The following BAZ1A variants were observed in gnomAD, a reference collection of about 807,000 sequenced individuals.
BAZ1A encodes bromodomain adjacent to zinc finger domain 1A.
BAZ1A carries 50 observed loss-of-function variants against 185.2 expected under a neutral mutation model. The ratio of observed to expected loss-of-function variants is 0.27; its 90% confidence interval spans 0.22 to 0.34. The LOEUF (loss-of-function observed/expected upper bound fraction) is 0.34. Ranked by LOEUF, BAZ1A falls within the 10% of genes least tolerant of loss-of-function variation. The pLI is 1.00. For missense variants in BAZ1A, 1,356 were observed against 1,839.9 expected (o/e 0.74, Z 4.81); for synonymous variants, 571 against 615.6 (o/e 0.93, Z 1.07).
At chr14:34,781,862 T>C (rs1326120351) in intron 16 of BAZ1A, among the ~76,000 whole-genome samples, 1 of 152,226 alleles carries the variant, frequency 6.6e-6, no homozygotes, top group Non-Finnish European at 1.5e-5. Flanking sequence ...TAGAACTCCA[T>C]TCCTTTTTAT....
At chr14:34,794,141 A>C (rs563075285) in intron 11 of BAZ1A, among the ~76,000 whole-genome samples, 12 of 152,250 alleles carry the variant, frequency 7.9e-5, no homozygotes, top group African/African-American at 2.6e-4. Flanking sequence ...AGAAAAAAAA[A>C]AATGAGTGGC....
intron 17 of BAZ1A, among the ~76,000 whole-genome samples, chr14:34,779,627 G>A (rs934432556): frequency 2.0e-5 from 3 of 151,960 alleles, no homozygotes; most frequent in Non-Finnish European, 2.9e-5. Flanking sequence ...CATTAAATAA[G>A]GTCATTAAAT....
At position 34,826,284 on chromosome 14, in the gene BAZ1A, AATTT is replaced by A. The variant is rs547271815; in HGVS notation, c.393-132_393-129del. The A allele has an allele frequency of 6.6e-4, 558 of 850,862 alleles. 3 individuals carry two copies. The African/African-American group carries it at 9.3e-3, about 14-fold the overall frequency. 52.7% of individuals were successfully genotyped at this position (850,862 alleles called of 1,614,324 possible). A position where few individuals can be genotyped will look rare whatever the true frequency, so the allele number is the denominator to read the frequency against. ...GAGGCTATAGCTGATTGATTTAAAC[AATTT>A]AATTAAAAAGAAAATCTGTAACATC... On this transcript the variant is annotated intron_variant, in intron 3 of 26. Transcript: ENST00000360310.
chr14:34,761,509 C>T (rs1566545016), intron 24 of BAZ1A, among the ~76,000 whole-genome samples: 1 of 152,138 alleles, frequency 6.6e-6, no homozygotes, highest in Non-Finnish European at 1.5e-5. Flanking sequence ...GGCCAAATAT[C>T]TCCATTAAAA....
chr14:34,844,084 T>C (rs527699093), intron 3 of BAZ1A, among the ~76,000 whole-genome samples: 1 of 150,778 alleles, frequency 6.6e-6, no homozygotes, highest in South Asian at 2.1e-4. Context: ...CGGGCGCCTG[T>C]AGTCCCAGCT....
At chr14:34,828,981 T>G (rs1043589654) in intron 3 of BAZ1A, among the ~76,000 whole-genome samples, 1 of 152,166 alleles carries the variant, frequency 6.6e-6, no homozygotes, top group Non-Finnish European at 1.5e-5. Context: ...ATTTTGCTTC[T>G]TGTAAAGACC....
intron 25 of BAZ1A, among the ~76,000 whole-genome samples, chr14:34,757,192 C>T (rs776006410): frequency 1.3e-5 from 2 of 151,860 alleles, no homozygotes; most frequent in Non-Finnish European, 2.9e-5. Context: ...TGGTGAAACC[C>T]TGTCTCTACT....
chr14:34,843,572 G>A (rs956395503), intron 3 of BAZ1A, among the ~76,000 whole-genome samples: 1 of 152,084 alleles, frequency 6.6e-6, no homozygotes, highest in African/African-American at 2.4e-5. Context: ...GAACATTGCA[G>A]CCAACCACAG....
intron 3 of BAZ1A, among the ~76,000 whole-genome samples, chr14:34,844,577 G>C (rs903995210): frequency 7.9e-5 from 12 of 151,192 alleles, no homozygotes; most frequent in Non-Finnish European, 5.9e-5. Flanking sequence ...AGGAGTTTGA[G>C]ACCAGCCTGG....
intron 3 of BAZ1A, among the ~76,000 whole-genome samples, chr14:34,842,931 T>C (rs1244120476): frequency 6.6e-6 from 1 of 152,054 alleles, no homozygotes; most frequent in Non-Finnish European, 1.5e-5. Flanking sequence ...CTAGGGCTCA[T>C]TCACATTTGA....
intron 3 of BAZ1A, among the ~76,000 whole-genome samples, chr14:34,839,217 T>C (rs1446073445): frequency 6.6e-6 from 1 of 152,192 alleles, no homozygotes; most frequent in Non-Finnish European, 1.5e-5. Context: ...AAACGCTGTG[T>C]GTCCTGATTG....
chr14:34,815,723 A>G (rs2041995912), intron 4 of BAZ1A, among the ~76,000 whole-genome samples: 1 of 152,190 alleles, frequency 6.6e-6, no homozygotes, highest in African/African-American at 2.4e-5. Flanking sequence ...AAATTAAACA[A>G]TTTTCTGTAT....
chr14:34,787,363 A>AAAAAAAAAAAAAAAGAAAAG (rs775338809), intron 12 of BAZ1A, among the ~76,000 whole-genome samples: 1 of 112,798 alleles, frequency 8.9e-6, no homozygotes, highest in African/African-American at 3.4e-5. Context: ...AAAAAAAAAA[A>AAAAAAAAAAAAAAAGAAAAG]AAAAAGAAAA....
intron 3 of BAZ1A, among the ~76,000 whole-genome samples, chr14:34,858,420 T>C (rs1422919093): frequency 6.6e-6 from 1 of 152,168 alleles, no homozygotes; most frequent in Non-Finnish European, 1.5e-5. Flanking sequence ...AATTGACTAT[T>C]GACTACTCCC....
intron 3 of BAZ1A, among the ~76,000 whole-genome samples, chr14:34,829,374 G>A (rs1397893407): frequency 4.0e-5 from 6 of 151,120 alleles, no homozygotes. Flanking sequence ...TTGGGTGACT[G>A]AGTGAGACTA....
chr14:34,783,252 A>G lies in BAZ1A; in HGVS notation c.1998-20T>C. ...CGAATTCTAAAAGTTAAAATGAAAT[A>G]TGGTAGTCTATCTGATGCACATATA... On this transcript the variant is annotated intron_variant, in intron 15 of 26. Transcript: ENST00000360310. The G allele has an allele frequency of 2.1e-6, 3 of 1,445,632 alleles. No individual in the cohort carries two copies. Among genetic ancestry groups the G allele is most frequent in the Non-Finnish European group, 2.9e-6 (3 of 1,034,580 alleles). The allele number at this position is 1,445,632 out of a possible 1,614,324, so 89.6% of individuals were successfully genotyped here.
chr14:34,859,468 A>C (rs1018208774), intron 3 of BAZ1A, among the ~76,000 whole-genome samples: 3 of 151,958 alleles, frequency 2.0e-5, no homozygotes, highest in Admixed American at 6.6e-5. Flanking sequence ...CAACAGCGTA[A>C]CTTAATTTTA....
intron 12 of BAZ1A, chr14:34,786,458 A>C (rs1164204393): frequency 4.7e-6 from 2 of 422,382 alleles, no homozygotes; most frequent in East Asian, 8.6e-5. Context: ...ACAATTTCCA[A>C]ATTACCAATG....
intron 18 of BAZ1A, among the ~76,000 whole-genome samples, chr14:34,775,156 C>T (rs112521249): frequency 0.14 from 21,933 of 151,650 alleles, 1,810 homozygotes; most frequent in Middle Eastern, 0.2. Context: ...GCAGAGATTG[C>T]AGTGAGCCCA....
Sources: allele counts gnomAD v4.1 joint callset (sites outside exome capture counted in the v4.1 genomes callset), GRCh38; gene constraint gnomAD v4.1.1; transcripts MANE v1.5; gene names NCBI Gene and HGNC (gene_info 2026-07-23, HGNC 2026-07-21).